Variants in CPQ observed in about 807,000 individuals in gnomAD.
The protein encoded by CPQ is carboxypeptidase Q, also known as Ser-Met dipeptidase.
A neutral mutation model predicts 45.7 loss-of-function variants in CPQ; 37 were observed. The ratio of observed to expected loss-of-function variants is 0.81; its 90% CI spans 0.62 to 1.07. CPQ has a LOEUF of 1.07. Among genes scored for constraint, CPQ ranks in the 50% least tolerant of loss-of-function variants. The pLI is 0.00. For synonymous variants in CPQ, 186 were observed against 205.8 expected, an observed-to-expected ratio of 0.90 and a Z score of 0.82; for missense variants, 537 against 572.9, an observed-to-expected ratio of 0.94 and a Z score of 0.64.
At chr8:96,695,815 A>G (rs1324385232) in intron 1 of CPQ, among the ~76,000 whole-genome samples, 1 of 150,928 alleles carries the variant, frequency 6.6e-6, no homozygotes, top group Non-Finnish European at 1.5e-5. Flanking sequence ...GGATGTGGAG[A>G]AATAGGAACA....
intron 1 of CPQ, among the ~76,000 whole-genome samples, chr8:96,740,355 G>A (rs1478467061): frequency 1.3e-5 from 2 of 152,066 alleles, no homozygotes; most frequent in African/African-American, 4.8e-5. Context: ...GCTTAAGGAG[G>A]TTTTGGGCTG....
intron 1 of CPQ, among the ~76,000 whole-genome samples, chr8:96,733,901 A>G (rs569834094): frequency 7.9e-5 from 12 of 152,278 alleles, no homozygotes; most frequent in Admixed American, 2.0e-4. Flanking sequence ...GTGAACCCGT[A>G]CTTAGTTTCA....
At chr8:96,735,735 C>T (rs10808351) in intron 1 of CPQ, among the ~76,000 whole-genome samples, 90,560 of 151,970 alleles carry the variant, frequency 0.6, 27,936 homozygotes, top group East Asian at 0.86. Flanking sequence ...CAGGCCTTTA[C>T]TCAGATCTTC....
chr8:96,684,093 G>A (rs1460080054), intron 1 of CPQ, among the ~76,000 whole-genome samples: 1 of 152,136 alleles, frequency 6.6e-6, no homozygotes, highest in Non-Finnish European at 1.5e-5. Context: ...CTTTTGAAGT[G>A]TCATGTTTCT....
intron 2 of CPQ, among the ~76,000 whole-genome samples, chr8:96,823,487 T>C (rs1424602918): frequency 1.3e-5 from 2 of 151,926 alleles, no homozygotes; most frequent in Admixed American, 1.3e-4. Context: ...TGTAGCTAAA[T>C]TTATGGTCCT....
At chr8:96,835,220 G>A in intron 3 of CPQ, 40 bp downstream of exon 3, 2 of 1,381,192 alleles carry the variant, frequency 1.4e-6, no homozygotes, top group Middle Eastern at 2.6e-4. Context: ...TCAAAAACAA[G>A]GGTTTTCCGT....
rs71267281 is a variant in CPQ, at chr8:96,787,525, C to CTTTTTTTTTTTTTTTTTTT, written c.433+2207_433+2225dup. On this transcript the variant is annotated intron_variant, in intron 2 of 7. Transcript: ENST00000220763. ...TTGTAGTTTCATTTTCTTATAATGTCTTTTTTTTTTTTTTTTTTTTTTTTT... is the reference window on the plus strand; with the variant it reads ...TTGTAGTTTCATTTTCTTATAATGTCTTTTTTTTTTTTTTTTTTTTTTTTTTTTTTTTTTTTTTTTTTTT... 3.2e-3 allele frequency among the ~76,000 whole-genome samples: 151 copies of CTTTTTTTTTTTTTTTTTTT among 47,580 alleles called. 51 individuals are homozygous for CTTTTTTTTTTTTTTTTTTT. The highest frequency in any genetic ancestry group is 5.6e-3 in the East Asian group (5 of 894). The allele number at this position is 47,580 out of a possible 152,430, so 31.2% of individuals were successfully genotyped here.
chr8:96,917,365 T>C (rs1249083571), intron 4 of CPQ, among the ~76,000 whole-genome samples: 1 of 152,176 alleles, frequency 6.6e-6, no homozygotes, highest in African/African-American at 2.4e-5. Context: ...GCTCAAATTG[T>C]TACAGCCTTG....
intron 5 of CPQ, among the ~76,000 whole-genome samples, chr8:96,982,213 T>C (rs1813912961): frequency 6.6e-6 from 1 of 152,226 alleles, no homozygotes; most frequent in South Asian, 2.1e-4. Context: ...TACAGCGTTT[T>C]ATAACAGAAG....
At chr8:96,981,910 G>A (rs1340567981) in intron 5 of CPQ, among the ~76,000 whole-genome samples, 1 of 152,174 alleles carries the variant, frequency 6.6e-6, no homozygotes, top group African/African-American at 2.4e-5. Context: ...GCAGGTCATT[G>A]GGCCTGTCTG....
intron 1 of CPQ, among the ~76,000 whole-genome samples, chr8:96,692,560 G>A (rs113502113): frequency 0.025 from 3,732 of 152,178 alleles, 164 homozygotes; most frequent in African/African-American, 0.084. Context: ...GAATTCTTCC[G>A]GATCTTATCC....
chr8:96,726,516 C>T (rs1011530011), intron 1 of CPQ, among the ~76,000 whole-genome samples: 22 of 152,100 alleles, frequency 1.4e-4, no homozygotes, highest in African/African-American at 4.8e-4. Context: ...AGGCAAACAG[C>T]GAGCAGGCAT....
intron 1 of CPQ, among the ~76,000 whole-genome samples, chr8:96,724,615 C>T (rs982700062): frequency 6.6e-6 from 1 of 151,856 alleles, no homozygotes. Flanking sequence ...ATAACATAAG[C>T]ATATGAAAAA....
chr8:97,047,946 T>C (rs1222117945), intron 6 of CPQ, among the ~76,000 whole-genome samples: 3 of 152,210 alleles, frequency 2.0e-5, no homozygotes, highest in South Asian at 2.1e-4. Flanking sequence ...TGCATGTATA[T>C]GTCTGTTTTT....
intron 4 of CPQ, among the ~76,000 whole-genome samples, chr8:96,895,427 A>C (rs748303200): frequency 6.6e-6 from 1 of 152,168 alleles, no homozygotes; most frequent in Non-Finnish European, 1.5e-5. Context: ...CTTGAAACAG[A>C]ATTTTTAATG....
chr8:97,098,159 C>G (rs982989838), intron 7 of CPQ, among the ~76,000 whole-genome samples: 1 of 152,114 alleles, frequency 6.6e-6, no homozygotes, highest in Non-Finnish European at 1.5e-5. Flanking sequence ...GCAGTCTTCC[C>G]AACTTTACAC....
intron 2 of CPQ, among the ~76,000 whole-genome samples, chr8:96,821,593 A>G (rs559014623): frequency 6.6e-6 from 1 of 152,096 alleles, no homozygotes; most frequent in Admixed American, 6.6e-5. Context: ...CAGATATGTT[A>G]TAATAAATTA....
chr8:96,785,047 C>A lies in CPQ; in HGVS notation c.150C>A (p.Ile50=), dbSNP rs1402770095. ...GCTGTGGAGATGTTGCTAAAGCAATCATCAACCTAGCTGTTTATGGTAAAG... is the reference window on the plus strand; with the variant it reads ...GCTGTGGAGATGTTGCTAAAGCAATAATCAACCTAGCTGTTTATGGTAAAG... ...IASCGDVAKA[I]INLAVYGKAQ... Residue 50 remains isoleucine (I), a synonymous_variant, in exon 2 of 8, where the codon ATC becomes ATA. Transcript: ENST00000220763. The A allele has an allele frequency of 1.2e-6, 2 of 1,613,822 alleles. No homozygotes were observed. The highest frequency in any genetic ancestry group is 1.7e-6 in the Non-Finnish European group (2 of 1,179,858).
At chr8:96,851,973 T>G (rs562007484) in intron 3 of CPQ, among the ~76,000 whole-genome samples, 40 of 152,244 alleles carry the variant, frequency 2.6e-4, no homozygotes, top group Non-Finnish European at 5.7e-4. Context: ...ATCTTCCAAC[T>G]CGAAAGGCAA....
Sources: gnomAD v4.1 joint callset for allele counts (sites outside exome capture counted in the v4.1 genomes callset) on GRCh38, gnomAD v4.1.1 for gene constraint, MANE v1.5 for transcripts, NCBI Gene and HGNC (gene_info 2026-07-23, HGNC 2026-07-21) for gene names.